ZNF512: variants seen among roughly 807,000 people sequenced by gnomAD.
ZNF512 encodes zinc finger protein 512.
ZNF512 carries 25 observed loss-of-function variants against 77.5 expected under a neutral mutation model. The ratio of observed to expected loss-of-function variants is 0.32; its 90% CI spans 0.23 to 0.45. ZNF512 has a LOEUF of 0.45. Among genes scored for constraint, ZNF512 ranks in the 20% least tolerant of loss-of-function variants. ZNF512 has a pLI of 1.00. For synonymous variants in ZNF512, 246 were observed against 239.9 expected, an observed-to-expected ratio of 1.03 and a Z score of -0.24; for missense variants, 483 against 692.6, an observed-to-expected ratio of 0.70 and a Z score of 3.40.
intron 12 of ZNF512, chr2:27,617,032 G>A (rs1672910948): frequency 5.9e-6 from 1 of 170,560 alleles, no homozygotes; most frequent in South Asian, 1.5e-4. Flanking sequence ...TAGGTATTAC[G>A]GATGGTACTC....
At chr2:27,595,787 A>G (rs1558467318) in intron 2 of ZNF512, among the ~76,000 whole-genome samples, 1 of 152,116 alleles carries the variant, frequency 6.6e-6, no homozygotes, top group South Asian at 2.1e-4. Flanking sequence ...TTTTCTGCTG[A>G]TGATTCCCAC....
At chr2:27,600,502 G>A (rs1245997270) in intron 5 of ZNF512, among the ~76,000 whole-genome samples, 189 bp from the exon 6 acceptor site, 1 of 152,098 alleles carries the variant, frequency 6.6e-6, no homozygotes, top group African/African-American at 2.4e-5. Context: ...ATGAGTAGGA[G>A]TTTTCAGAAA....
At chr2:27,589,435 G>T (rs1432798888) in intron 2 of ZNF512, among the ~76,000 whole-genome samples, 4 of 152,078 alleles carry the variant, frequency 2.6e-5, no homozygotes, top group African/African-American at 9.7e-5. Flanking sequence ...ATAATCTGCG[G>T]TAACCCCTTT....
intron 1 of ZNF512, chr2:27,583,376 T>C (rs1395730343): frequency 2.9e-6 from 4 of 1,370,008 alleles, no homozygotes; most frequent in Middle Eastern, 1.9e-4. Flanking sequence ...TCCTTTTACA[T>C]CCCCAATGTC....
chr2:27,592,667 C>CTTTTT lies in ZNF512; in HGVS notation c.90-5374_90-5370dup, dbSNP rs139890307. 2.4e-3 allele frequency among the ~76,000 whole-genome samples: 196 copies of CTTTTT among 81,560 alleles called. 5 individuals carry two copies. The highest frequency in any genetic ancestry group is 3.4e-3 in the Non-Finnish European group (146 of 42,734). 53.5% of individuals were successfully genotyped at this position (81,560 alleles called of 152,430 possible). A position where few individuals can be genotyped will look rare whatever the true frequency, so the allele number is the denominator to read the frequency against. ...TACCCATATAATTTACCATGTTTACCTTTTTTTTTTTTTTTTTTTTTTTTT... is the reference window on the plus strand; with the variant it reads ...TACCCATATAATTTACCATGTTTACCTTTTTTTTTTTTTTTTTTTTTTTTTTTTTT... On this transcript the variant is annotated intron_variant, in intron 2 of 13. Transcript: ENST00000355467.
intron 10 of ZNF512, among the ~76,000 whole-genome samples, chr2:27,614,698 C>T (rs1229347501): frequency 6.7e-6 from 1 of 149,822 alleles, no homozygotes; most frequent in Admixed American, 6.7e-5. Flanking sequence ...AAAAAAAATT[C>T]AACCAGAGAA....
At chr2:27,601,725 C>T (rs1185154990) in intron 7 of ZNF512, among the ~76,000 whole-genome samples, 1 of 152,108 alleles carries the variant, frequency 6.6e-6, no homozygotes, top group Non-Finnish European at 1.5e-5. Context: ...CTTGGCTCAC[C>T]GCAACCTCCG....
chr2:27,602,552 C>T lies in ZNF512; in HGVS notation c.759C>T (p.Cys253=). Residue 253 remains cysteine (C), a synonymous_variant, in exon 8 of 14, where the codon TGC becomes TGT. Transcript: ENST00000355467. ...TAAAGAGACTGGGAAAGCTCAGGTG[C>T]ATGCGTGAGGTAAGGGCCCAAGGAC... is the stretch of plus-strand genomic sequence containing the variant. ...TVLKRLGKLR[C]MRESCSSSFT... 6.2e-7 allele frequency: 1 copy of T among 1,613,376 alleles called. No individual in the cohort carries two copies.
chr2:27,594,450 C>A (rs1426712709), intron 2 of ZNF512, among the ~76,000 whole-genome samples: 2 of 134,488 alleles, frequency 1.5e-5, no homozygotes, highest in Non-Finnish European at 3.1e-5. Context: ...CCTCACCTCC[C>A]AGACGGGGTG....
At chr2:27,595,842 C>A (rs1360546625) in intron 2 of ZNF512, among the ~76,000 whole-genome samples, 1 of 152,068 alleles carries the variant, frequency 6.6e-6, no homozygotes, top group East Asian at 1.9e-4. Flanking sequence ...GAAAGTATTT[C>A]TTTTTTGTTG....
chr2:27,612,354 C>G (rs1672702982), intron 10 of ZNF512, among the ~76,000 whole-genome samples: 1 of 152,018 alleles, frequency 6.6e-6, no homozygotes. Context: ...CTAAGGAATC[C>G]TGGTTCCTTT....
rs761467101 is a variant in ZNF512, at chr2:27,601,462, T to C, written c.669+20T>C. On this transcript the variant is annotated intron_variant, in intron 7 of 13. Coordinates refer to ENST00000355467, the MANE Select transcript of ZNF512 (RefSeq NM_032434.4). ...AGTTTGGTAAGAGTGTCTTCTGTCT[T>C]TTGTGAGTGTTTGGATGTCTTTTTT... is the stretch of plus-strand genomic sequence containing the variant. 45 of 1,593,458 alleles carry C rather than the reference T, an allele frequency of 2.8e-5. No homozygotes were observed. Among genetic ancestry groups the C allele is most frequent in the Non-Finnish European group, 3.6e-5 (42 of 1,166,188 alleles).
chr2:27,603,591 T>TGTGTGTGTGTG (rs772409987), intron 9 of ZNF512, among the ~76,000 whole-genome samples: 3 of 87,208 alleles, frequency 3.4e-5, no homozygotes, highest in Non-Finnish European at 4.7e-5. Context: ...TGTGTGTATA[T>TGTGTGTGTGTG]TTTTTTTTTT....
intron 2 of ZNF512, among the ~76,000 whole-genome samples, chr2:27,584,310 C>T (rs1162526805): frequency 5.3e-5 from 8 of 152,254 alleles, no homozygotes; most frequent in East Asian, 3.9e-4. Context: ...TAAAAATGGC[C>T]GTAAGAAATC....
At chr2:27,590,936 A>G (rs527382343) in intron 2 of ZNF512, among the ~76,000 whole-genome samples, 54 of 152,372 alleles carry the variant, frequency 3.5e-4, no homozygotes, top group Non-Finnish European at 6.3e-4. Flanking sequence ...TCTGCTTACA[A>G]TGAATTCTCT....
rs781101221 is a variant in ZNF512, at chr2:27,616,335, T to C, written c.1296+11T>C. On this transcript the variant is annotated intron_variant, in intron 12 of 13. Transcript: ENST00000355467. ...GGCTCTTGTACATTGGTTTGTAACT[T>C]TTTAAACTTACTATCTTAACATGTC... 3 of 1,609,120 alleles carry C rather than the reference T, an allele frequency of 1.9e-6. No homozygotes were observed. The highest frequency in any genetic ancestry group is 2.2e-5 in the South Asian group (2 of 90,968).
chr2:27,602,894 C>T (rs371738244), intron 8 of ZNF512, among the ~76,000 whole-genome samples: 1 of 152,014 alleles, frequency 6.6e-6, no homozygotes, highest in African/African-American at 2.4e-5. Flanking sequence ...AAAGCTCTGA[C>T]ATAGAGTAGA....
chr2:27,615,568 C>T (rs1672850127), intron 11 of ZNF512, among the ~76,000 whole-genome samples: 1 of 152,166 alleles, frequency 6.6e-6, no homozygotes, highest in Non-Finnish European at 1.5e-5. Context: ...TCCATATGGC[C>T]TCTCTCTCTA....
intron 2 of ZNF512, among the ~76,000 whole-genome samples, chr2:27,597,539 A>G (rs1264498335): frequency 6.6e-6 from 1 of 152,274 alleles, no homozygotes; most frequent in Non-Finnish European, 1.5e-5. Flanking sequence ...GCAAGATAGC[A>G]TCCATCCTTT....
Sources: gnomAD v4.1 joint callset for allele counts (sites outside exome capture counted in the v4.1 genomes callset) on GRCh38, gnomAD v4.1.1 for gene constraint, MANE v1.5 for transcripts, NCBI Gene and HGNC (gene_info 2026-07-23, HGNC 2026-07-21) for gene names.